CSMD1: variants seen among roughly 807,000 people sequenced by gnomAD.
The protein encoded by CSMD1 is CUB and Sushi multiple domains 1, also known as CUB and sushi domain-containing protein 1.
Under a neutral mutation model 417.5 loss-of-function variants are expected in CSMD1, and 213 were observed. That is an observed-to-expected ratio of 0.51 (90% confidence interval 0.46 to 0.57). The LOEUF (loss-of-function observed/expected upper bound fraction) is 0.57, where lower values mean the gene tolerates loss of function less well. Ranked by LOEUF, CSMD1 falls within the 20% of genes least tolerant of loss-of-function variation. The pLI is 0.00. For missense variants in CSMD1, 6,923 were observed against 4,529.7 expected, an observed-to-expected ratio of 1.53 and a Z score of -15.17; for synonymous variants, 2,862 against 1,736.8, an observed-to-expected ratio of 1.65 and a Z score of -16.11.
At position 4,655,013 on chromosome 8, in the gene CSMD1, G is replaced by C. The variant is rs924494530; in HGVS notation, c.86-17455C>G. On this transcript the variant is annotated intron_variant, in intron 1 of 69. Transcript: ENST00000635120. ...AACCATTGTTTGAAAATGAGGCCAA[G>C]CATTTGATACAGATGTACCTCCAAA... is the stretch of plus-strand genomic sequence containing the variant. Among the ~76,000 whole-genome samples the C allele has an allele frequency of 8.3e-5, 12 of 145,140 alleles. 1 individual carries two copies. The highest frequency in any genetic ancestry group is 7.1e-4 in the Admixed American group (10 of 14,094).
intron 1 of CSMD1, among the ~76,000 whole-genome samples, chr8:4,937,598 T>A (rs1007699718): frequency 1.3e-5 from 2 of 152,178 alleles, no homozygotes; most frequent in Non-Finnish European, 2.9e-5. Context: ...AAAAGTCCCC[T>A]AAATACCTTG....
intron 1 of CSMD1, among the ~76,000 whole-genome samples, chr8:4,950,076 T>C (rs1808638133): frequency 6.6e-6 from 1 of 151,552 alleles, no homozygotes; most frequent in African/African-American, 2.4e-5. Flanking sequence ...CCTAGAAATA[T>C]TTCTCTATAA....
intron 7 of CSMD1, among the ~76,000 whole-genome samples, chr8:3,661,124 T>C (rs1252369741): frequency 3.3e-5 from 5 of 152,188 alleles, no homozygotes; most frequent in South Asian, 2.1e-4. Context: ...AAACTAAATA[T>C]AGCCTGAGGA....
chr8:4,979,149 C>G (rs1167937492), intron 1 of CSMD1, among the ~76,000 whole-genome samples: 3 of 152,092 alleles, frequency 2.0e-5, no homozygotes, highest in Non-Finnish European at 4.4e-5. Flanking sequence ...TGTATTCAAG[C>G]TAAATTTCAT....
intron 10 of CSMD1, among the ~76,000 whole-genome samples, chr8:3,540,156 G>C (rs575593858): frequency 1.3e-5 from 2 of 152,088 alleles, no homozygotes; most frequent in South Asian, 4.1e-4. Context: ...ACTGAACTGA[G>C]TGTAACACAG....
At chr8:3,386,285 T>A (rs1810998845) in intron 18 of CSMD1, among the ~76,000 whole-genome samples, 1 of 152,186 alleles carries the variant, frequency 6.6e-6, no homozygotes, top group South Asian at 2.1e-4. Flanking sequence ...GTGGCTCATG[T>A]CAGGCTGCAC....
At chr8:4,201,435 G>C (rs1037864695) in intron 3 of CSMD1, among the ~76,000 whole-genome samples, 3 of 150,168 alleles carry the variant, frequency 2.0e-5, no homozygotes, top group African/African-American at 7.3e-5. Flanking sequence ...CTACTCAGGA[G>C]GCTGAGGCAG....
intron 6 of CSMD1, among the ~76,000 whole-genome samples, chr8:3,727,072 G>C (rs559683157): frequency 2.6e-5 from 4 of 152,122 alleles, no homozygotes; most frequent in South Asian, 4.1e-4. Flanking sequence ...TCTATATAAA[G>C]ATAATGGCAT....
chr8:4,755,255 A>C (rs1348364908), intron 1 of CSMD1, among the ~76,000 whole-genome samples: 5 of 152,232 alleles, frequency 3.3e-5, no homozygotes, highest in Admixed American at 2.0e-4. Context: ...CTCATGTAGG[A>C]CAATATTTAT....
At chr8:3,233,668 T>C (rs1021597315) in intron 26 of CSMD1, among the ~76,000 whole-genome samples, 7 of 152,304 alleles carry the variant, frequency 4.6e-5, no homozygotes, top group Middle Eastern at 3.4e-3. Context: ...TTTTTTTTCA[T>C]GATTACAGTC....
chr8:4,234,555 T>TCC (rs1801933252), intron 3 of CSMD1, among the ~76,000 whole-genome samples: 1 of 152,222 alleles, frequency 6.6e-6, no homozygotes, highest in African/African-American at 2.4e-5. Flanking sequence ...TTTTGGCCGT[T>TCC]CCTTTAGTAC....
chr8:4,613,860 CAA>C (rs60679775), intron 2 of CSMD1, among the ~76,000 whole-genome samples: 20 of 123,606 alleles, frequency 1.6e-4, no homozygotes, highest in Non-Finnish European at 1.8e-4. Flanking sequence ...TGTCTAATGC[CAA>C]AAAAAAAAAA....
At chr8:3,795,023 A>G (rs71502968) in intron 5 of CSMD1, among the ~76,000 whole-genome samples, 51,213 of 97,090 alleles carry the variant, frequency 0.53, 17,951 homozygotes, top group East Asian at 0.63. Flanking sequence ...TATCTATCAT[A>G]TATAGCTATA....
chr8:4,215,013 A>T (rs1316962890), intron 3 of CSMD1, among the ~76,000 whole-genome samples: 3 of 152,174 alleles, frequency 2.0e-5, no homozygotes, highest in Admixed American at 6.5e-5. Flanking sequence ...GTCAAGTTCA[A>T]TTCTGCCTCA....
At chr8:4,175,831 G>A (rs1211239720) in intron 3 of CSMD1, among the ~76,000 whole-genome samples, 2 of 152,158 alleles carry the variant, frequency 1.3e-5, no homozygotes, top group African/African-American at 4.8e-5. Flanking sequence ...TATGCAGAGT[G>A]AAAGTAACTG....
intron 6 of CSMD1, among the ~76,000 whole-genome samples, chr8:3,734,121 T>A (rs1796404778): frequency 6.6e-6 from 1 of 152,224 alleles, no homozygotes; most frequent in African/African-American, 2.4e-5. Context: ...AATTAATACT[T>A]AATAAAGATA....
chr8:4,486,234 TATATATATATACATAC>T (rs1207801436), intron 2 of CSMD1, among the ~76,000 whole-genome samples: 51 of 44,020 alleles, frequency 1.2e-3, no homozygotes, highest in East Asian at 9.2e-3. Flanking sequence ...TACATACATA[TATATATATATACATAC>T]ATATATATAT....
At chr8:3,165,294 G>A (rs1399647447) in intron 37 of CSMD1, among the ~76,000 whole-genome samples, 1 of 152,046 alleles carries the variant, frequency 6.6e-6, no homozygotes, top group African/African-American at 2.4e-5. Context: ...GTGCATAAGC[G>A]ATTGATATGA....
At chr8:3,242,696 G>A (rs906380348) in intron 26 of CSMD1, among the ~76,000 whole-genome samples, 3 of 151,926 alleles carry the variant, frequency 2.0e-5, no homozygotes, top group Non-Finnish European at 2.9e-5. Context: ...ATGGAGGGCG[G>A]AAGGTTGCCC....
Sources: gnomAD v4.1 joint callset for allele counts (sites outside exome capture counted in the v4.1 genomes callset) on GRCh38, gnomAD v4.1.1 for gene constraint, MANE v1.5 for transcripts, NCBI Gene and HGNC (gene_info 2026-07-23, HGNC 2026-07-21) for gene names.